DAB1: variants seen among roughly 807,000 people sequenced by gnomAD.
DAB1 encodes disabled homolog 1.
Under a neutral mutation model 64.6 loss-of-function variants are expected in DAB1, and 15 were observed. That is an observed-to-expected ratio of 0.23 (90% CI 0.16 to 0.36). The LOEUF (loss-of-function observed/expected upper bound fraction) is 0.36. Ranked by LOEUF, DAB1 falls within the 10% of genes least tolerant of loss-of-function variation. The pLI, the probability that DAB1 is intolerant of heterozygous loss-of-function variation, is 1.00. For missense variants in DAB1, 596 were observed against 706.7 expected (o/e 0.84, Z 1.78); for synonymous variants, 235 against 251.9 (o/e 0.93, Z 0.64).
chr1:57,621,751 A>G (rs1177135248), intron 7 of DAB1, among the ~76,000 whole-genome samples: 1 of 152,190 alleles, frequency 6.6e-6, no homozygotes, highest in Non-Finnish European at 1.5e-5. Context: ...AATCAAAACC[A>G]TATTCCAAAG....
chr1:57,577,416 A>C (rs1570643295), intron 7 of DAB1, among the ~76,000 whole-genome samples: 1 of 1,314 alleles, frequency 7.6e-4, no homozygotes, highest in Non-Finnish European at 0.12. Context: ...GAGGCTTCCT[A>C]AAAAAAAAAA....
At chr1:57,675,483 A>G (rs1049367273) in intron 6 of DAB1, among the ~76,000 whole-genome samples, 5 of 152,114 alleles carry the variant, frequency 3.3e-5, no homozygotes, top group South Asian at 2.1e-4. Flanking sequence ...CTCAACTCCA[A>G]TTGCTTTGAG....
At chr1:58,031,559 G>A (rs1397752850) in intron 5 of DAB1, among the ~76,000 whole-genome samples, 3 of 152,190 alleles carry the variant, frequency 2.0e-5, no homozygotes, top group Non-Finnish European at 4.4e-5. Context: ...GCCCTCAGCT[G>A]CCAGATTTCC....
In DAB1 at chr1:57,268,446, C is replaced by T. The variant is rs549909091; in HGVS notation, c.67+22518G>A. 2.7e-4 allele frequency among the ~76,000 whole-genome samples: 41 copies of T among 152,242 alleles called. No homozygotes were observed. In the East Asian group the frequency reaches 6.7e-3, roughly 25 times the overall value. On this transcript the variant is annotated intron_variant, in intron 2 of 14. Coordinates refer to ENST00000371236, the MANE Select transcript of DAB1 (RefSeq NM_001365792.1). ...AAATCCAGATAACTCTTTGTGAATC[C>T]TCCTTTAAAAGTCCCAGAATGATAC...
At chr1:57,128,161 AAAT>A (rs756960573) in intron 4 of DAB1, among the ~76,000 whole-genome samples, 24,501 of 146,384 alleles carry the variant, frequency 0.17, 2,807 homozygotes, top group African/African-American at 0.32. Flanking sequence ...AAAAATAAAT[AAAT>A]AAATAAATAA....
chr1:58,181,618 T>C (rs1407516330), intron 4 of DAB1, among the ~76,000 whole-genome samples: 1 of 152,130 alleles, frequency 6.6e-6, no homozygotes, highest in Non-Finnish European at 1.5e-5. Context: ...TAATAAATTT[T>C]CCAGAGATTT....
At chr1:57,859,874 G>A (rs924880186) in intron 1 of DAB1, among the ~76,000 whole-genome samples, 4 of 152,194 alleles carry the variant, frequency 2.6e-5, no homozygotes, top group African/African-American at 7.2e-5. Flanking sequence ...GCTACTATTA[G>A]ACAAAGACCT....
intron 5 of DAB1, among the ~76,000 whole-genome samples, chr1:58,037,466 C>G (rs1164770925): frequency 2.0e-5 from 3 of 152,198 alleles, no homozygotes; most frequent in Non-Finnish European, 4.4e-5. Context: ...CACCTGAGCT[C>G]TGCCTCCTGT....
intron 3 of DAB1, among the ~76,000 whole-genome samples, chr1:58,360,806 T>C (rs992491321): frequency 1.1e-4 from 16 of 152,174 alleles, no homozygotes; most frequent in African/African-American, 3.4e-4. Flanking sequence ...ATATTCCTTA[T>C]AGAGTATTTG....
chr1:57,906,155 TG>T (rs1644547880), intron 5 of DAB1, among the ~76,000 whole-genome samples: 1 of 152,186 alleles, frequency 6.6e-6, no homozygotes, highest in Non-Finnish European at 1.5e-5. Flanking sequence ...TCCTGCTTCC[TG>T]GAATGTGACT....
intron 4 of DAB1, among the ~76,000 whole-genome samples, chr1:58,266,147 T>A (rs749798902): frequency 6.6e-6 from 1 of 152,088 alleles, no homozygotes; most frequent in Non-Finnish European, 1.5e-5. Flanking sequence ...AATACAAAGA[T>A]GCCTGAAGAA....
At chr1:57,649,949 T>A (rs2101653556) in intron 6 of DAB1, among the ~76,000 whole-genome samples, 1 of 152,086 alleles carries the variant, frequency 6.6e-6, no homozygotes, top group South Asian at 2.1e-4. Context: ...CATACATACA[T>A]ATCTACACAT....
chr1:58,185,829 T>C (rs760877730), intron 4 of DAB1, among the ~76,000 whole-genome samples: 21 of 152,286 alleles, frequency 1.4e-4, no homozygotes, highest in Admixed American at 5.2e-4. Context: ...CCCTCTACAA[T>C]CTATATGACC....
intron 7 of DAB1, among the ~76,000 whole-genome samples, chr1:57,629,831 C>T (rs1440529812): frequency 6.7e-6 from 1 of 149,678 alleles, no homozygotes; most frequent in Non-Finnish European, 1.5e-5. Flanking sequence ...CATAGCATTA[C>T]AAAGGTTGAG....
chr1:57,783,441 A>G (rs1302011944), intron 6 of DAB1, among the ~76,000 whole-genome samples: 2 of 152,124 alleles, frequency 1.3e-5, no homozygotes, highest in Non-Finnish European at 2.9e-5. Flanking sequence ...TCATCTAAAT[A>G]TGCAGAAGTC....
At chr1:57,669,997 C>T (rs1415582480) in intron 6 of DAB1, among the ~76,000 whole-genome samples, 1 of 152,048 alleles carries the variant, frequency 6.6e-6, no homozygotes, top group Non-Finnish European at 1.5e-5. Flanking sequence ...TTGGTACATT[C>T]ATTATGATAA....
At chr1:57,402,906 A>C (rs1683362939) in intron 1 of DAB1, among the ~76,000 whole-genome samples, 1 of 152,188 alleles carries the variant, frequency 6.6e-6, no homozygotes, top group Non-Finnish European at 1.5e-5. Flanking sequence ...TTGAATTCAC[A>C]GGACAGAAAA....
intron 3 of DAB1, among the ~76,000 whole-genome samples, chr1:58,433,561 A>C (rs1644902153): frequency 7.3e-6 from 1 of 137,900 alleles, no homozygotes; most frequent in Non-Finnish European, 1.5e-5. Context: ...AAGAGAGTCC[A>C]TGCATAAGAG....
chr1:58,418,257 A>G (rs749158721), intron 3 of DAB1, among the ~76,000 whole-genome samples: 1 of 152,162 alleles, frequency 6.6e-6, no homozygotes, highest in Non-Finnish European at 1.5e-5. Flanking sequence ...CAGCTAAACT[A>G]AATATTTTTT....
Sources: gnomAD v4.1 joint callset for allele counts (sites outside exome capture counted in the v4.1 genomes callset) on GRCh38, gnomAD v4.1.1 for gene constraint, MANE v1.5 for transcripts, NCBI Gene and HGNC (gene_info 2026-07-23, HGNC 2026-07-21) for gene names.